TOX3: variants seen among roughly 807,000 people sequenced by gnomAD.
The protein encoded by TOX3 is CAG trinucleotide repeat-containing gene F9 protein.
In TOX3, 22 loss-of-function variants were observed where a neutral mutation model predicts 64.3. The observed-to-expected ratio is 0.34, with a 90% CI of 0.24 to 0.49. TOX3 has a LOEUF of 0.49. Among genes scored for constraint, TOX3 ranks in the 20% least tolerant of loss-of-function variants. The pLI, the probability that TOX3 is intolerant of heterozygous loss-of-function variation, is 0.99. For missense variants in TOX3, 661 were observed against 714.4 expected (o/e 0.93, Z 0.85); for synonymous variants, 291 against 273.6 (o/e 1.06, Z -0.63).
chr16:52,503,514 G>A, intron 1 of TOX3, among the ~76,000 whole-genome samples: 1 of 152,134 alleles, frequency 6.6e-6, no homozygotes, highest in Non-Finnish European at 1.5e-5. Flanking sequence ...GCCAGCATAA[G>A]GATGTGAATG....
chr16:52,487,848 G>A (rs368716818), intron 1 of TOX3, among the ~76,000 whole-genome samples: 58 of 152,294 alleles, frequency 3.8e-4, no homozygotes, highest in African/African-American at 1.4e-3. Context: ...ACTGACAGTT[G>A]TGTCTGTGGA....
At chr16:52,541,564 G>C (rs1017426604) in intron 1 of TOX3, among the ~76,000 whole-genome samples, 2 of 152,140 alleles carry the variant, frequency 1.3e-5, no homozygotes, top group Non-Finnish European at 2.9e-5. Context: ...AAGTTTTTTA[G>C]ATATAGACAA....
intron 1 of TOX3, among the ~76,000 whole-genome samples, chr16:52,539,994 C>T (rs1260798029): frequency 2.6e-5 from 4 of 152,110 alleles, no homozygotes; most frequent in Admixed American, 2.0e-4. Flanking sequence ...CTCCCGGTCT[C>T]TCCTACTCTT....
At chr16:52,511,346 G>C (rs1448848661) in intron 1 of TOX3, among the ~76,000 whole-genome samples, 2 of 152,098 alleles carry the variant, frequency 1.3e-5, no homozygotes, top group Middle Eastern at 3.4e-3. Flanking sequence ...ACAAAAATTA[G>C]CTGGCTGTGG....
At chr16:52,498,332 T>G (rs1961903985) in intron 1 of TOX3, among the ~76,000 whole-genome samples, 1 of 149,006 alleles carries the variant, frequency 6.7e-6, no homozygotes, top group Non-Finnish European at 1.5e-5. Context: ...TGGAAATACA[T>G]CAAACAAATG....
intron 1 of TOX3, among the ~76,000 whole-genome samples, chr16:52,510,962 C>T (rs568623627): frequency 6.6e-6 from 1 of 152,062 alleles, no homozygotes; most frequent in East Asian, 1.9e-4. Context: ...CAGAGAATAG[C>T]TGACTCCATG....
chr16:52,478,698 C>T (rs960573890), intron 1 of TOX3, among the ~76,000 whole-genome samples: 5 of 152,196 alleles, frequency 3.3e-5, no homozygotes, highest in African/African-American at 1.2e-4. Flanking sequence ...CATAGCCCAG[C>T]TCTACCACTT....
At chr16:52,462,129 CA>C (rs1960709300) in intron 3 of TOX3, among the ~76,000 whole-genome samples, 1 of 151,936 alleles carries the variant, frequency 6.6e-6, no homozygotes, top group South Asian at 2.1e-4. Flanking sequence ...AAAAAGGCAC[CA>C]ATAAATGTGA....
intron 3 of TOX3, among the ~76,000 whole-genome samples, chr16:52,453,435 C>T (rs570391883): frequency 5.3e-5 from 8 of 152,224 alleles, no homozygotes; most frequent in Admixed American, 2.6e-4. Flanking sequence ...CTGCCAGCCT[C>T]GGCCTCCCAA....
chr16:52,468,695 A>C (rs1225287052), intron 1 of TOX3, 121 bp from the exon 2 acceptor site: 2 of 724,338 alleles, frequency 2.8e-6, no homozygotes, highest in Admixed American at 4.8e-5. Context: ...AATGCAAAAC[A>C]TGACAAAGGT....
intron 1 of TOX3, among the ~76,000 whole-genome samples, chr16:52,531,632 G>A (rs1031404995): frequency 6.6e-6 from 1 of 152,280 alleles, no homozygotes; most frequent in East Asian, 1.9e-4. Context: ...ATTAAAAAGT[G>A]GGTCAATGTA....
At chr16:52,502,265 C>G (rs560301369) in intron 1 of TOX3, among the ~76,000 whole-genome samples, 2 of 152,150 alleles carry the variant, frequency 1.3e-5, no homozygotes, top group African/African-American at 4.8e-5. Context: ...GAAAATCTAA[C>G]ATGGATGGAA....
At chr16:52,478,245 C>A (rs1289339364) in intron 1 of TOX3, among the ~76,000 whole-genome samples, 4 of 152,198 alleles carry the variant, frequency 2.6e-5, no homozygotes, top group Non-Finnish European at 5.9e-5. Flanking sequence ...TCCAAACTCC[C>A]TCCTAAGAGA....
intron 1 of TOX3, among the ~76,000 whole-genome samples, chr16:52,544,105 T>C (rs555112351): frequency 6.6e-6 from 1 of 152,350 alleles, no homozygotes; most frequent in East Asian, 1.9e-4. Flanking sequence ...TCCAGAAAGA[T>C]AATACATGTC....
chr16:52,509,983 G>A (rs2151470855), intron 1 of TOX3, among the ~76,000 whole-genome samples: 1 of 152,158 alleles, frequency 6.6e-6, no homozygotes, highest in East Asian at 1.9e-4. Context: ...GCCCCTACCA[G>A]AAACCAGAGA....
At chr16:52,540,880 A>G (rs1033922058) in intron 1 of TOX3, among the ~76,000 whole-genome samples, 10 of 152,198 alleles carry the variant, frequency 6.6e-5, no homozygotes, top group Admixed American at 1.3e-4. Flanking sequence ...GAACCATCCA[A>G]AACAACCTGG....
chr16:52,477,422 C>T lies in TOX3; in HGVS notation c.88-8848G>A, dbSNP rs527971656. 2.6e-5 allele frequency among the ~76,000 whole-genome samples: 4 copies of T among 152,246 alleles called. No homozygotes were observed. In the South Asian group the frequency reaches 6.2e-4, roughly 24 times the overall value. On this transcript the variant is annotated intron_variant, in intron 1 of 6. Coordinates refer to ENST00000219746, the MANE Select transcript of TOX3 (RefSeq NM_001080430.4). ...GAACTTATCAATAGTGTGAGATGCA[C>T]AAGAGTAGTATTAAGAAAGGCTGGT...
chr16:52,470,209 A>G (rs1330530714), intron 1 of TOX3, among the ~76,000 whole-genome samples: 1 of 152,180 alleles, frequency 6.6e-6, no homozygotes, highest in Admixed American at 6.5e-5. Flanking sequence ...ATTTTCTATC[A>G]TGAAATTTTT....
chr16:52,456,057 T>G (rs1025483828), intron 3 of TOX3, among the ~76,000 whole-genome samples: 2 of 152,160 alleles, frequency 1.3e-5, no homozygotes, highest in African/African-American at 4.8e-5. Flanking sequence ...CCAGTGTGAC[T>G]GGGCCAGGAA....
Sources: allele counts gnomAD v4.1 joint callset (sites outside exome capture counted in the v4.1 genomes callset), GRCh38; gene constraint gnomAD v4.1.1; transcripts MANE v1.5; gene names NCBI Gene and HGNC (gene_info 2026-07-23, HGNC 2026-07-21).